The following TBL1X variants were observed in gnomAD, a reference collection of about 807,000 sequenced individuals.
TBL1X encodes the protein F-box-like/WD repeat-containing protein TBL1X.
A neutral mutation model predicts 50.7 loss-of-function variants in TBL1X; 10 were observed. The ratio of observed to expected loss-of-function variants is 0.20; its 90% CI spans 0.12 to 0.33. TBL1X has a LOEUF of 0.33. TBL1X is among the 10% of genes least tolerant of loss of function. The probability of loss-of-function intolerance (pLI) is 1.00; values close to 1 mark genes in which losing one functional copy is unlikely to be tolerated. For synonymous variants in TBL1X, 190 were observed against 214.7 expected, an observed-to-expected ratio of 0.88 and a Z score of 1.01; for missense variants, 340 against 504.4, an observed-to-expected ratio of 0.67 and a Z score of 3.12.
intron 2 of TBL1X, among the ~76,000 whole-genome samples, chrX:9,602,591 G>T (rs1423278986): frequency 9.0e-6 from 1 of 111,621 alleles, no homozygotes; most frequent in Admixed American, 9.5e-5. Flanking sequence ...TCTGCCTGGA[G>T]TAGCTTGAAG....
intron 2 of TBL1X, among the ~76,000 whole-genome samples, chrX:9,613,985 C>CAA (rs34481376): frequency 0.15 from 7,509 of 50,030 alleles, 685 homozygotes; most frequent in African/African-American, 0.27. Context: ...GACTCCATCT[C>CAA]AAAAAAAAAA....
intron 2 of TBL1X, among the ~76,000 whole-genome samples, chrX:9,512,481 A>G (rs149574124): frequency 0.011 from 1,122 of 105,862 alleles, 15 homozygotes; most frequent in African/African-American, 0.035. Context: ...GTGGGCTTTC[A>G]GACTTTCTCT....
At chrX:9,557,109 A>G (rs1180520706) in intron 2 of TBL1X, among the ~76,000 whole-genome samples, 1 of 111,884 alleles carries the variant, frequency 8.9e-6, no homozygotes, top group Non-Finnish European at 1.9e-5. Flanking sequence ...CAGGATGTGG[A>G]CACCTTGGGT....
chrX:9,574,441 T>G, intron 2 of TBL1X, among the ~76,000 whole-genome samples: 1 of 80,680 alleles, frequency 1.2e-5, no homozygotes, highest in Non-Finnish European at 2.2e-5. Context: ...GGTGACAGAG[T>G]GAGACCCTGT....
intron 2 of TBL1X, among the ~76,000 whole-genome samples, chrX:9,528,390 C>A (rs768582213): frequency 9.0e-5 from 10 of 111,334 alleles, no homozygotes; most frequent in African/African-American, 3.3e-4. Flanking sequence ...CAGGTAACTT[C>A]ACTTCCCATT....
chrX:9,528,578 G>C (rs1282545533), intron 2 of TBL1X, among the ~76,000 whole-genome samples: 2 of 109,182 alleles, frequency 1.8e-5, no homozygotes, highest in Non-Finnish European at 3.8e-5. Flanking sequence ...TTCCCACTCT[G>C]GGCCCCTGGG....
chrX:9,630,104 A>G lies in TBL1X; in HGVS notation c.-130-10169A>G, dbSNP rs1363233871. 2.7e-5 allele frequency among the ~76,000 whole-genome samples: 3 copies of G among 111,329 alleles called. No individual in the cohort carries two copies. In the Admixed American group the frequency reaches 2.9e-4, roughly 11 times the overall value. On this transcript the variant is annotated intron_variant, in intron 2 of 17. Coordinates refer to ENST00000645353, the MANE Select transcript of TBL1X (RefSeq NM_005647.4). ...AAGTGAACAGCTGAATGGCAACCTC[A>G]GTTTGATGATGCTCTGTCTCCTGGA...
At chrX:9,472,741 G>A (rs1308350152) in intron 1 of TBL1X, among the ~76,000 whole-genome samples, 2 of 109,875 alleles carry the variant, frequency 1.8e-5, no homozygotes, top group African/African-American at 6.6e-5. Flanking sequence ...GTGAAACCCC[G>A]TCTCTACTAA....
In TBL1X at chrX:9,577,855, C is replaced by T. The variant is rs150108955; in HGVS notation, c.-130-62418C>T. Among the ~76,000 whole-genome samples, 336 of 112,574 alleles carry T rather than the reference C, an allele frequency of 3.0e-3. 1 individual carries two copies. The highest frequency in any genetic ancestry group is 0.01 in the African/African-American group (315 of 30,966). On this transcript the variant is annotated intron_variant, in intron 2 of 17. Coordinates refer to ENST00000645353, the MANE Select transcript of TBL1X (RefSeq NM_005647.4). Reference sequence around the variant, plus strand: ...GGGCAGTGTTCTCTTTTCTCTTCAGCTATTCCAGTTTGTATTAAGTGTAAG... The same window carrying T: ...GGGCAGTGTTCTCTTTTCTCTTCAGTTATTCCAGTTTGTATTAAGTGTAAG...
intron 2 of TBL1X, among the ~76,000 whole-genome samples, chrX:9,595,810 G>A (rs1313925885): frequency 8.9e-6 from 1 of 112,462 alleles, no homozygotes; most frequent in Non-Finnish European, 1.9e-5. Context: ...TTTGGCAACA[G>A]TATCTTACAC....
chrX:9,665,364 C>T (rs749336668), intron 5 of TBL1X, among the ~76,000 whole-genome samples: 2 of 100,309 alleles, frequency 2.0e-5, no homozygotes, highest in Non-Finnish European at 4.0e-5. Context: ...AATATTGTAA[C>T]GGAAGAAATT....
intron 2 of TBL1X, chrX:9,560,685 G>GAT (rs1255772631): frequency 8.9e-6 from 1 of 112,176 alleles, no homozygotes; most frequent in African/African-American, 3.2e-5. Context: ...GTGGACCAAA[G>GAT]ATGGGGAGTA....
At chrX:9,551,619 T>A (rs1198536170) in intron 2 of TBL1X, among the ~76,000 whole-genome samples, 1 of 111,664 alleles carries the variant, frequency 9.0e-6, no homozygotes, top group East Asian at 2.8e-4. Flanking sequence ...GCTCTCAGGC[T>A]GACATATACT....
At chrX:9,689,070 CTGTGCGTGTGTGTGCACAAGTTTG>C (rs775698888) in intron 7 of TBL1X, among the ~76,000 whole-genome samples, 103 of 113,366 alleles carry the variant, frequency 9.1e-4, no homozygotes, top group Non-Finnish European at 1.8e-3. Context: ...ACCTGTGTTC[CTGTGCGTGTGTGTGCACAAGTTTG>C]TGTGCGTGTG....
At chrX:9,705,259 C>G in intron 13 of TBL1X, 145 bp downstream of exon 13, 3 of 975,134 alleles carry the variant, frequency 3.1e-6, no homozygotes, top group Non-Finnish European at 4.2e-6. Context: ...ATGGTTACCC[C>G]ATGGTAACCA....
intron 2 of TBL1X, among the ~76,000 whole-genome samples, chrX:9,568,955 G>A (rs896421422): frequency 3.7e-5 from 4 of 109,116 alleles, no homozygotes; most frequent in African/African-American, 1.4e-4. Flanking sequence ...TGCACTGTGT[G>A]TGTTGTGTCT....
Position 9,647,203 on chromosome X carries a change from TA to T in TBL1X, c.-42-6333del, listed in dbSNP as rs773437753. Among the ~76,000 whole-genome samples the T allele has an allele frequency of 2.4e-4, 26 of 110,068 alleles. No homozygotes were observed. In the East Asian group the frequency reaches 5.4e-3, roughly 23 times the overall value. On this transcript the variant is annotated intron_variant, in intron 3 of 17. Coordinates refer to ENST00000645353, the MANE Select transcript of TBL1X (RefSeq NM_005647.4). ...TTTTGGCCACCTTGAAACCAAGGCTTAAAAAAAAATACTATAAATAATCTCC... is the reference window on the plus strand; with the variant it reads ...TTTTGGCCACCTTGAAACCAAGGCTTAAAAAAAATACTATAAATAATCTCC...
At chrX:9,641,488 T>C (rs1354444108) in intron 3 of TBL1X, among the ~76,000 whole-genome samples, 1 of 112,539 alleles carries the variant, frequency 8.9e-6, no homozygotes, top group East Asian at 2.8e-4. Context: ...AGTGTAAAGA[T>C]AGAATTTTGA....
At chrX:9,672,205 T>G (rs994082559) in intron 5 of TBL1X, among the ~76,000 whole-genome samples, 2 of 112,027 alleles carry the variant, frequency 1.8e-5, no homozygotes, top group African/African-American at 3.2e-5. Flanking sequence ...TAAAAATTGG[T>G]GACGATGTGA....
Sources: allele counts gnomAD v4.1 joint callset (sites outside exome capture counted in the v4.1 genomes callset), GRCh38; gene constraint gnomAD v4.1.1; transcripts MANE v1.5; gene names NCBI Gene and HGNC (gene_info 2026-07-23, HGNC 2026-07-21).